CHODL: variants seen among roughly 807,000 people sequenced by gnomAD.
CHODL encodes transmembrane protein MT75.
CHODL carries 29 observed loss-of-function variants against 34.5 expected under a neutral mutation model. The ratio of observed to expected loss-of-function variants is 0.84; its 90% confidence interval spans 0.63 to 1.15. CHODL has a LOEUF of 1.15. Among genes scored for constraint, CHODL ranks in the 50% most tolerant of loss-of-function variants. The pLI is 0.00. For synonymous variants in CHODL, 125 were observed against 116.1 expected (o/e 1.08, Z -0.49); for missense variants, 332 against 332.5 (o/e 1.00, Z 0.01).
chr21:17,968,968 CTT>C (rs1422702402), intron 1 of CHODL, among the ~76,000 whole-genome samples: 2 of 152,118 alleles, frequency 1.3e-5, no homozygotes, highest in African/African-American at 2.4e-5. Flanking sequence ...TTTCTTGTAA[CTT>C]TTAAGAAAAT....
intron 2 of CHODL, among the ~76,000 whole-genome samples, chr21:18,069,441 G>C (rs149589): frequency 4.6e-5 from 7 of 151,670 alleles, no homozygotes; most frequent in Middle Eastern, 3.4e-3. Context: ...AATGTCATTG[G>C]TAATTGTTAT....
At chr21:18,257,706 A>T (rs60397764) in intron 3 of CHODL, among the ~76,000 whole-genome samples, 3,132 of 152,268 alleles carry the variant, frequency 0.021, 98 homozygotes, top group African/African-American at 0.069. Flanking sequence ...ATGTCTCCTC[A>T]GTTAGCTTTC....
At chr21:18,013,660 A>T (rs2064042413) in intron 1 of CHODL, among the ~76,000 whole-genome samples, 3 of 13,734 alleles carry the variant, frequency 2.2e-4, no homozygotes, top group African/African-American at 6.1e-4. Flanking sequence ...TTTGAGACAG[A>T]GTCTTGCTCT....
chr21:18,091,432 CT>C (rs1385621988), intron 2 of CHODL, among the ~76,000 whole-genome samples: 4 of 152,176 alleles, frequency 2.6e-5, no homozygotes, highest in Admixed American at 2.0e-4. Context: ...GGCAGTACAG[CT>C]TATAGCAATG....
intron 2 of CHODL, among the ~76,000 whole-genome samples, chr21:18,095,252 C>A (rs2065125819): frequency 6.6e-6 from 1 of 151,738 alleles, no homozygotes; most frequent in South Asian, 2.1e-4. Flanking sequence ...AATTGACAAA[C>A]CTTTAGACAG....
intron 2 of CHODL, among the ~76,000 whole-genome samples, chr21:18,193,866 A>G (rs2146696106): frequency 6.6e-6 from 1 of 152,176 alleles, no homozygotes; most frequent in African/African-American, 2.4e-5. Context: ...ATTCAGACCT[A>G]CCGATAGTGA....
chr21:18,246,113 CT>C, intron 1 of CHODL: 1 of 665,086 alleles, frequency 1.5e-6, no homozygotes, highest in Non-Finnish European at 2.7e-6. Flanking sequence ...CTCTCCCTTA[CT>C]TTTTGGGACG....
upstream of CHODL, among the ~76,000 whole-genome samples, chr21:18,240,150 A>G (rs993357567): frequency 1.3e-5 from 2 of 152,094 alleles, no homozygotes; most frequent in African/African-American, 2.4e-5. Context: ...AATATTGATC[A>G]GAATATATGG....
intron 2 of CHODL, among the ~76,000 whole-genome samples, chr21:18,139,395 A>C: frequency 6.6e-6 from 1 of 152,188 alleles, no homozygotes; most frequent in Admixed American, 6.6e-5. Flanking sequence ...ACCATCAACA[A>C]AAATGACACA....
intron 1 of CHODL, among the ~76,000 whole-genome samples, chr21:17,926,205 T>A (rs2063220911): frequency 6.6e-6 from 1 of 152,082 alleles, no homozygotes; most frequent in African/African-American, 2.4e-5. Flanking sequence ...TTGATATTTG[T>A]ATTGCCATTT....
intron 1 of CHODL, among the ~76,000 whole-genome samples, chr21:17,970,466 ATGCCT>A (rs2063605869): frequency 6.6e-6 from 1 of 152,206 alleles, no homozygotes; most frequent in South Asian, 2.1e-4. Context: ...GTATGGAATA[ATGCCT>A]TAACTAAAGA....
chr21:18,075,263 C>G (rs988396828), intron 2 of CHODL, among the ~76,000 whole-genome samples: 2 of 152,156 alleles, frequency 1.3e-5, no homozygotes, highest in Admixed American at 1.3e-4. Context: ...AGTTATAGAG[C>G]GTCACGCTTT....
intron 2 of CHODL, among the ~76,000 whole-genome samples, chr21:18,150,567 C>T (rs1043514070): frequency 5.9e-5 from 9 of 151,982 alleles, no homozygotes; most frequent in Non-Finnish European, 1.2e-4. Flanking sequence ...CACTTTCATG[C>T]GGGAAAAAGG....
chr21:17,990,728 T>C (rs184299055), intron 1 of CHODL, among the ~76,000 whole-genome samples: 49 of 152,240 alleles, frequency 3.2e-4, no homozygotes, highest in African/African-American at 1.2e-3. Context: ...AGGATACATG[T>C]AATATTTTGA....
At chr21:18,018,910 A>G (rs1281075968) in intron 1 of CHODL, among the ~76,000 whole-genome samples, 1 of 152,186 alleles carries the variant, frequency 6.6e-6, no homozygotes, top group African/African-American at 2.4e-5. Context: ...ATAGGCACAC[A>G]CCTTGCTTGG....
At chr21:18,237,739 C>T (rs2074041543) in intron 2 of CHODL, among the ~76,000 whole-genome samples, 1 of 152,032 alleles carries the variant, frequency 6.6e-6, no homozygotes, top group Non-Finnish European at 1.5e-5. Context: ...TATTCTCCAC[C>T]TACTGTTTGT....
rs34259143 is a variant in CHODL at position 18,207,659 on chromosome 21, C to CTTTTTTTTTT, written c.-44-48838_-44-48829dup. Among the ~76,000 whole-genome samples, 20 of 55,952 alleles carry CTTTTTTTTTT rather than the reference C, an allele frequency of 3.6e-4. 1 individual carries two copies. The highest frequency in any genetic ancestry group is 8.8e-4 in the African/African-American group (10 of 11,334). The allele number at this position is 55,952 out of a possible 152,430, so 36.7% of individuals were successfully genotyped here. On this transcript the variant is annotated intron_variant, in intron 2 of 6. Transcript: ENST00000400127. ...TGGTGGTGGTGATGAAATCTCTCAGCTTTTTTTTTTTTTTTTTTTTTGCGG... is the reference window on the plus strand; with the variant it reads ...TGGTGGTGGTGATGAAATCTCTCAGCTTTTTTTTTTTTTTTTTTTTTTTTTTTTTTTGCGG...
intron 2 of CHODL, among the ~76,000 whole-genome samples, chr21:18,118,507 TAA>T (rs1568895423): frequency 6.6e-6 from 1 of 152,312 alleles, no homozygotes; most frequent in East Asian, 1.9e-4. Flanking sequence ...CATCTAATCA[TAA>T]ATCACTCTTC....
At chr21:17,948,923 T>C (rs1600997769) in intron 1 of CHODL, among the ~76,000 whole-genome samples, 1 of 152,274 alleles carries the variant, frequency 6.6e-6, no homozygotes, top group Middle Eastern at 3.4e-3. Context: ...AGCATTATTC[T>C]GTTGTCAAAC....
Sources: allele counts gnomAD v4.1 joint callset (sites outside exome capture counted in the v4.1 genomes callset), GRCh38; gene constraint gnomAD v4.1.1; transcripts MANE v1.5; gene names NCBI Gene and HGNC (gene_info 2026-07-23, HGNC 2026-07-21).